The following NDFIP2 variants were observed in gnomAD, a reference collection of about 807,000 sequenced individuals.
NDFIP2 encodes the protein NEDD4 family-interacting protein 2.
Under a neutral mutation model 36.0 loss-of-function variants are expected in NDFIP2, and 19 were observed. That is an observed-to-expected ratio of 0.53 (90% confidence interval 0.37 to 0.77). The LOEUF is 0.77. Ranked by LOEUF, NDFIP2 falls within the 30% of genes least tolerant of loss-of-function variation. The probability of loss-of-function intolerance (pLI) is 0.00; values close to 1 mark genes in which losing one functional copy is unlikely to be tolerated. For synonymous variants in NDFIP2, 181 were observed against 167.7 expected (o/e 1.08, Z -0.61); for missense variants, 446 against 435.8 (o/e 1.02, Z -0.21).
At chr13:79,497,618 G>A (rs983848628) in intron 1 of NDFIP2, among the ~76,000 whole-genome samples, 1 of 146,996 alleles carries the variant, frequency 6.8e-6, no homozygotes, top group African/African-American at 2.5e-5. Flanking sequence ...ACTGTAGGGG[G>A]TTACTGCCAT....
At chr13:79,517,586 A>G (rs1874401663) in intron 1 of NDFIP2, among the ~76,000 whole-genome samples, 1 of 152,244 alleles carries the variant, frequency 6.6e-6, no homozygotes, top group Admixed American at 6.5e-5. Context: ...ATGCTACAGT[A>G]GGCAGAGGTT....
intron 1 of NDFIP2, among the ~76,000 whole-genome samples, chr13:79,511,122 T>C (rs957609699): frequency 3.9e-5 from 6 of 152,212 alleles, no homozygotes; most frequent in Admixed American, 1.3e-4. Flanking sequence ...AGTTAAACTT[T>C]CCTGGATTGG....
intron 2 of NDFIP2, among the ~76,000 whole-genome samples, chr13:79,533,024 A>G (rs960039450): frequency 6.6e-5 from 10 of 152,202 alleles, no homozygotes; most frequent in Non-Finnish European, 7.3e-5. Flanking sequence ...ATACTCATAT[A>G]TTATGAGATT....
intron 5 of NDFIP2, among the ~76,000 whole-genome samples, chr13:79,547,027 C>T (rs923930324): frequency 6.6e-6 from 1 of 151,518 alleles, no homozygotes; most frequent in Admixed American, 6.6e-5. Context: ...AATTTTAAAT[C>T]TCTGAAATTA....
At chr13:79,501,481 T>C (rs1873665348) in intron 1 of NDFIP2, among the ~76,000 whole-genome samples, 1 of 152,090 alleles carries the variant, frequency 6.6e-6, no homozygotes, top group African/African-American at 2.4e-5. Flanking sequence ...AAGTGAAGTC[T>C]GTTAAAAACG....
intron 2 of NDFIP2, among the ~76,000 whole-genome samples, chr13:79,524,591 G>A (rs1197040195): frequency 6.6e-6 from 1 of 152,174 alleles, no homozygotes; most frequent in Non-Finnish European, 1.5e-5. Flanking sequence ...CATTTTCATA[G>A]CAAACAGATT....
chr13:79,531,628 C>T (rs898232027), intron 2 of NDFIP2, among the ~76,000 whole-genome samples: 3 of 152,182 alleles, frequency 2.0e-5, no homozygotes, highest in African/African-American at 2.4e-5. Flanking sequence ...AAGATGGCTT[C>T]TTTGATTTAG....
chr13:79,552,757 A>G lies in NDFIP2; in HGVS notation c.*244A>G, dbSNP rs1389532270. 1 of 151,918 alleles carries G rather than the reference A, an allele frequency of 6.6e-6. No homozygotes were observed. Among genetic ancestry groups the G allele is most frequent in the East Asian group, 1.9e-4 (1 of 5,194 alleles). 9.4% of individuals were successfully genotyped at this position (151,918 alleles called of 1,614,324 possible). ...GTGCCCATTTAAGATATTTGCATATACTTGATAGAAACCATAAAGTTGTAG... is the reference window on the plus strand; with the variant it reads ...GTGCCCATTTAAGATATTTGCATATGCTTGATAGAAACCATAAAGTTGTAG... On this transcript the variant is annotated 3_prime_UTR_variant, in exon 8 of 8. Coordinates refer to ENST00000218652, the MANE Select transcript of NDFIP2 (RefSeq NM_019080.3).
intron 1 of NDFIP2, among the ~76,000 whole-genome samples, chr13:79,516,725 G>A (rs1195367547): frequency 1.3e-5 from 2 of 151,978 alleles, no homozygotes; most frequent in Non-Finnish European, 2.9e-5. Context: ...AAACAGAAAA[G>A]AAACAAGAAG....
chr13:79,515,823 G>T (rs577010572), intron 1 of NDFIP2, among the ~76,000 whole-genome samples: 1 of 150,270 alleles, frequency 6.7e-6, no homozygotes, highest in East Asian at 2.0e-4. Flanking sequence ...TGAGTAGCTT[G>T]ACTCTGCTAT....
intron 1 of NDFIP2, among the ~76,000 whole-genome samples, chr13:79,505,961 A>G (rs1168577839): frequency 6.6e-6 from 1 of 152,190 alleles, no homozygotes; most frequent in Non-Finnish European, 1.5e-5. Flanking sequence ...CTTTCTTGTA[A>G]AGACGAAAAT....
At chr13:79,551,564 A>C (rs540320900) in intron 7 of NDFIP2, among the ~76,000 whole-genome samples, 4 of 151,608 alleles carry the variant, frequency 2.6e-5, no homozygotes, top group African/African-American at 9.6e-5. Context: ...ATTGAAAAAC[A>C]ATTTGTCTTG....
At chr13:79,513,503 A>T (rs1176202384) in intron 1 of NDFIP2, among the ~76,000 whole-genome samples, 3 of 152,230 alleles carry the variant, frequency 2.0e-5, no homozygotes, top group Non-Finnish European at 2.9e-5. Flanking sequence ...ATGATGAAAC[A>T]TATAGATATT....
At chr13:79,539,314 A>C (rs930813216) in intron 3 of NDFIP2, among the ~76,000 whole-genome samples, 1 of 152,170 alleles carries the variant, frequency 6.6e-6, no homozygotes, top group African/African-American at 2.4e-5. Flanking sequence ...TAATTATTGC[A>C]AAATTGCCAA....
chr13:79,526,896 G>A (rs899287468), intron 2 of NDFIP2, among the ~76,000 whole-genome samples: 1 of 152,096 alleles, frequency 6.6e-6, no homozygotes, highest in Non-Finnish European at 1.5e-5. Flanking sequence ...TTTTACAGAG[G>A]AGAAAACAAT....
chr13:79,491,769 A>T (rs1314184733), intron 1 of NDFIP2, among the ~76,000 whole-genome samples: 1 of 152,186 alleles, frequency 6.6e-6, no homozygotes, highest in East Asian at 1.9e-4. Flanking sequence ...TGACAAGATC[A>T]CTGTAATTAA....
At chr13:79,487,765 T>C (rs1873070840) in intron 1 of NDFIP2, among the ~76,000 whole-genome samples, 1 of 152,140 alleles carries the variant, frequency 6.6e-6, no homozygotes, top group African/African-American at 2.4e-5. Flanking sequence ...AAGTTTAAAA[T>C]TCCTGTTCTT....
At chr13:79,495,920 G>A (rs983469902) in intron 1 of NDFIP2, among the ~76,000 whole-genome samples, 4 of 151,690 alleles carry the variant, frequency 2.6e-5, no homozygotes, top group Admixed American at 2.6e-4. Flanking sequence ...CATTAATATT[G>A]TATCACTTCA....
At chr13:79,518,793 ATCTTTCTTTTT>A (rs1172878503) in intron 1 of NDFIP2, among the ~76,000 whole-genome samples, 1 of 152,004 alleles carries the variant, frequency 6.6e-6, no homozygotes, top group African/African-American at 2.4e-5. Flanking sequence ...TTACATGCTG[ATCTTTCTTTTT>A]TCTTTCTTTC....
Sources: gnomAD v4.1 joint callset for allele counts (sites outside exome capture counted in the v4.1 genomes callset) on GRCh38, gnomAD v4.1.1 for gene constraint, MANE v1.5 for transcripts, NCBI Gene and HGNC (gene_info 2026-07-23, HGNC 2026-07-21) for gene names.